DRC5: variants seen among roughly 807,000 people sequenced by gnomAD.
DRC5 encodes T-complex-associated testis-expressed protein 1.
At chr6:44,292,379 CCT>C in the DRC5 span, among the ~76,000 whole-genome samples, 2 of 152,162 alleles carry the variant, frequency 1.3e-5, no homozygotes, top group Non-Finnish European at 2.9e-5. Context: ...CTTCTTTGTC[CCT>C]GATACCCCAA....
chr6:44,284,926 G>C, the DRC5 span, among the ~76,000 whole-genome samples: 1 of 152,160 alleles, frequency 6.6e-6, no homozygotes, highest in African/African-American at 2.4e-5. Flanking sequence ...TCCAGTAATG[G>C]TACCTACTTT....
chr6:44,283,179 C>G, the DRC5 span, among the ~76,000 whole-genome samples: 1 of 152,090 alleles, frequency 6.6e-6, no homozygotes, highest in African/African-American at 2.4e-5. Flanking sequence ...ATTTTACAGA[C>G]AGAAAATGGA....
At chr6:44,287,339 G>C in the DRC5 span, 1 of 681,912 alleles carries the variant, frequency 1.5e-6, no homozygotes, top group African/African-American at 2.0e-5. Context: ...GTGTGGGTGG[G>C]AGTCTGGTGG....
At chr6:44,289,071 CT>C in the DRC5 span, among the ~76,000 whole-genome samples, 1 of 73,360 alleles carries the variant, frequency 1.4e-5, no homozygotes, top group Admixed American at 2.1e-4. Flanking sequence ...TTGTCTTGCT[CT>C]TGTTGCCCAG....
the DRC5 span, among the ~76,000 whole-genome samples, chr6:44,294,056 C>T: frequency 1.3e-5 from 2 of 151,878 alleles, no homozygotes; most frequent in Non-Finnish European, 2.9e-5. Flanking sequence ...AATCTCAGCT[C>T]ACCGCAACCT....
chr6:44,297,234 C>T, the DRC5 span, among the ~76,000 whole-genome samples: 4 of 152,194 alleles, frequency 2.6e-5, no homozygotes, highest in Non-Finnish European at 2.9e-5. Context: ...AGGAAGCTTC[C>T]GCACCCGCGG....
the DRC5 span, chr6:44,286,202 G>A: frequency 5.0e-6 from 8 of 1,611,522 alleles, no homozygotes; most frequent in Middle Eastern, 1.6e-4. Context: ...GAGCTGGGCC[G>A]GGAGCTGCAC....
chr6:44,286,208 T>C, the DRC5 span: 1 of 1,611,756 alleles, frequency 6.2e-7, no homozygotes, highest in South Asian at 1.1e-5. Context: ...GGCCGGGAGC[T>C]GCACCGGCGG....
chr6:44,280,900 G>T, the DRC5 span, among the ~76,000 whole-genome samples: 1 of 152,204 alleles, frequency 6.6e-6, no homozygotes, highest in Non-Finnish European at 1.5e-5. Flanking sequence ...CTGAACCCAG[G>T]GGTTTACCGA....
the DRC5 span, among the ~76,000 whole-genome samples, chr6:44,297,252 TA>T: frequency 4.2e-4 from 64 of 152,254 alleles, no homozygotes; most frequent in African/African-American, 1.5e-3. Flanking sequence ...CGGGAGGGAT[TA>T]CAGCCCTCGG....
chr6:44,286,032 G>C, the DRC5 span: 3 of 1,613,920 alleles, frequency 1.9e-6, no homozygotes, highest in Non-Finnish European at 2.5e-6. Context: ...AAGAGGAAGA[G>C]ATTCCACTCG....
the DRC5 span, chr6:44,285,913 A>G: frequency 0.17 from 252,143 of 1,486,710 alleles, 23,379 homozygotes; most frequent in East Asian, 0.36. Context: ...GGGAGAGGGA[A>G]TCTGAGAGAT....
the DRC5 span, among the ~76,000 whole-genome samples, chr6:44,294,675 GA>G: frequency 7.4e-6 from 1 of 135,542 alleles, no homozygotes; most frequent in African/African-American, 2.8e-5. Flanking sequence ...ATAATTAGGG[GA>G]AAAAAATGAA....
the DRC5 span, chr6:44,280,158 G>T: frequency 6.3e-7 from 1 of 1,598,360 alleles, no homozygotes; most frequent in Non-Finnish European, 8.6e-7. Flanking sequence ...TGGGGCTGGG[G>T]CCATGATCCA....
chr6:44,284,006 C>G, the DRC5 span, among the ~76,000 whole-genome samples: 1 of 152,150 alleles, frequency 6.6e-6, no homozygotes, highest in African/African-American at 2.4e-5. Flanking sequence ...CTGGATGGAG[C>G]CTTACACTGG....
At chr6:44,282,799 CTTTTTTTTTTT>C in the DRC5 span, among the ~76,000 whole-genome samples, 1 of 105,240 alleles carries the variant, frequency 9.5e-6, no homozygotes, top group South Asian at 3.4e-4. Context: ...CCTTTTTTAT[CTTTTTTTTTTT>C]TTTTTTTTTT....
chr6:44,279,751 GT>G, the DRC5 span: 8,143 of 28,772 alleles, frequency 0.28, 295 homozygotes, highest in Middle Eastern at 0.39. Flanking sequence ...GCCAGAGGGT[GT>G]GTGTGTGTGT....
the DRC5 span, among the ~76,000 whole-genome samples, chr6:44,294,423 T>A: frequency 2.0e-5 from 3 of 151,544 alleles, no homozygotes; most frequent in Non-Finnish European, 2.9e-5. Flanking sequence ...TGTGAATGAG[T>A]TTCAGATACA....
At chr6:44,283,181 GA>G in the DRC5 span, among the ~76,000 whole-genome samples, 2 of 152,132 alleles carry the variant, frequency 1.3e-5, no homozygotes, top group African/African-American at 4.8e-5. Flanking sequence ...TTTACAGACA[GA>G]AAATGGAGGC....
Sources: gnomAD v4.1 joint callset for allele counts (sites outside exome capture counted in the v4.1 genomes callset) on GRCh38, gnomAD v4.1.1 for gene constraint, MANE v1.5 for transcripts, NCBI Gene and HGNC (gene_info 2026-07-23, HGNC 2026-07-21) for gene names.